ARFIP1: variants seen among roughly 807,000 people sequenced by gnomAD.
ARFIP1 encodes the protein arfaptin-1.
ARFIP1 carries 24 observed loss-of-function variants against 42.5 expected under a neutral mutation model. That is an observed-to-expected ratio of 0.57 (90% CI 0.41 to 0.80). The LOEUF (loss-of-function observed/expected upper bound fraction) is 0.80. Ranked by LOEUF, ARFIP1 falls within the 30% of genes least tolerant of loss-of-function variation. The pLI is 0.00. For synonymous variants in ARFIP1, 141 were observed against 153.7 expected, an observed-to-expected ratio of 0.92 and a Z score of 0.61; for missense variants, 354 against 434.0, an observed-to-expected ratio of 0.82 and a Z score of 1.64.
At chr4:152,880,535 C>T (rs1379427474) in intron 5 of ARFIP1, among the ~76,000 whole-genome samples, 3 of 151,756 alleles carry the variant, frequency 2.0e-5, no homozygotes, top group East Asian at 3.8e-4. Context: ...TTCATACACA[C>T]ATATATATAT....
At position 152,800,422 on chromosome 4, in the gene ARFIP1, A is replaced by G. The variant is rs547844778; in HGVS notation, c.-10+20196A>G. Among the ~76,000 whole-genome samples, 17 of 152,342 alleles carry G rather than the reference A, an allele frequency of 1.1e-4. No individual in the cohort carries two copies. The South Asian group carries it at 3.5e-3, about 32-fold the overall frequency. ...AACTAAAACTTGGAAAGGTCAACAT[A>G]GCTTTTAAGGAGCAGAGCTATGATT... is the stretch of plus-strand genomic sequence containing the variant. On this transcript the variant is annotated intron_variant, in intron 1 of 8. Transcript: ENST00000353617.
chr4:152,909,971 A>T, intron 8 of ARFIP1, 93 bp from the exon 9 acceptor site: 1 of 1,456,482 alleles, frequency 6.9e-7, no homozygotes, highest in South Asian at 1.3e-5. Context: ...TTCAAGAGAG[A>T]TACACTATTT....
At chr4:152,827,014 G>A (rs1730890597) in intron 1 of ARFIP1, among the ~76,000 whole-genome samples, 1 of 152,096 alleles carries the variant, frequency 6.6e-6, no homozygotes, top group Non-Finnish European at 1.5e-5. Flanking sequence ...CAGATTCTGT[G>A]GGGAGGTGGA....
intron 1 of ARFIP1, among the ~76,000 whole-genome samples, chr4:152,826,410 G>A (rs536942255): frequency 2.6e-5 from 4 of 152,212 alleles, no homozygotes; most frequent in Non-Finnish European, 4.4e-5. Context: ...TTATAAGTGG[G>A]GACTTAGCTG....
intron 1 of ARFIP1, among the ~76,000 whole-genome samples, chr4:152,826,179 T>A (rs1730821294): frequency 6.6e-6 from 1 of 152,182 alleles, no homozygotes; most frequent in Admixed American, 6.5e-5. Context: ...ATAGGTGTAT[T>A]GCAGCACAGT....
intron 1 of ARFIP1, among the ~76,000 whole-genome samples, chr4:152,829,203 C>G (rs759531464): frequency 2.6e-5 from 4 of 152,172 alleles, no homozygotes; most frequent in Admixed American, 6.5e-5. Context: ...GATTTTTAAG[C>G]TAGTGATCTG....
intron 2 of ARFIP1, among the ~76,000 whole-genome samples, chr4:152,859,044 T>A (rs1733663438): frequency 6.6e-6 from 1 of 152,134 alleles, no homozygotes; most frequent in Non-Finnish European, 1.5e-5. Flanking sequence ...CATACTAGTT[T>A]ATCTCTCTTT....
intron 8 of ARFIP1, among the ~76,000 whole-genome samples, chr4:152,899,599 A>G (rs940205592): frequency 3.9e-4 from 59 of 152,160 alleles, no homozygotes; most frequent in Admixed American, 3.9e-4. Flanking sequence ...TTCTCTGCCA[A>G]CTTGAAAGTG....
intron 1 of ARFIP1, among the ~76,000 whole-genome samples, chr4:152,804,393 A>G (rs1728803373): frequency 9.5e-6 from 1 of 104,802 alleles, no homozygotes; most frequent in South Asian, 2.6e-4. Context: ...TGTATTATAT[A>G]TTATATATAA....
At chr4:152,903,403 A>T (rs1738011409) in intron 8 of ARFIP1, among the ~76,000 whole-genome samples, 1 of 152,168 alleles carries the variant, frequency 6.6e-6, no homozygotes, top group Non-Finnish European at 1.5e-5. Flanking sequence ...TATAAGCCAA[A>T]TTGAGAACAA....
intron 2 of ARFIP1, among the ~76,000 whole-genome samples, chr4:152,854,696 C>T (rs569461431): frequency 2.6e-5 from 4 of 152,278 alleles, no homozygotes; most frequent in Middle Eastern, 6.8e-3. Context: ...CAGTAGTGTA[C>T]TCTCTGTATA....
rs115122407 is a variant in ARFIP1, at chr4:152,854,580, G to A, written c.94-9026G>A. ...CTTTACATTGATATCTGGTGTAATC[G>A]TTTCTCCATTAGTTTGAATTTGCTA... On this transcript the variant is annotated intron_variant, in intron 2 of 8. Transcript: ENST00000353617. Among the ~76,000 whole-genome samples, 706 of 152,162 alleles carry A rather than the reference G, an allele frequency of 4.6e-3. 12 individuals are homozygous for A. The highest frequency in any genetic ancestry group is 0.025 in the Admixed American group (383 of 15,274).
intron 1 of ARFIP1, among the ~76,000 whole-genome samples, chr4:152,813,478 A>G (rs1159757947): frequency 5.3e-5 from 8 of 151,508 alleles, no homozygotes; most frequent in Non-Finnish European, 1.0e-4. Flanking sequence ...TTATTATTTG[A>G]TAATCTGAAT....
rs565876620 is a variant in ARFIP1, at chr4:152,818,073, C to T, written c.-9-11552C>T. ...GTTTCCCAAAAAATTAAAAATAGTT[C>T]TTTTTTCCCCAAGATGGCAGACTGG... On this transcript the variant is annotated intron_variant, in intron 1 of 8. Coordinates refer to ENST00000353617, the MANE Select transcript of ARFIP1 (RefSeq NM_001025595.3). Among the ~76,000 whole-genome samples, 5 of 152,268 alleles carry T rather than the reference C, an allele frequency of 3.3e-5. No homozygotes were observed. The East Asian group carries it at 9.7e-4, about 29-fold the overall frequency.
intron 2 of ARFIP1, among the ~76,000 whole-genome samples, chr4:152,846,200 CTAGAG>C (rs1732524869): frequency 6.6e-6 from 1 of 152,022 alleles, no homozygotes; most frequent in Admixed American, 6.5e-5. Context: ...CTGGGAACGA[CTAGAG>C]TAGGGAGGGA....
chr4:152,795,930 T>G (rs532103114), intron 1 of ARFIP1: 50 of 200,384 alleles, frequency 2.5e-4, no homozygotes, highest in African/African-American at 1.2e-3. Context: ...CGCCCCATTT[T>G]AATGTTTACA....
Position 152,789,484 on chromosome 4 carries a change from ACT to A in ARFIP1, c.-10+9261_-10+9262del, listed in dbSNP as rs1264635267. ...CATCAGTTTTGTCCACTGTAAAGTT[ACT>A]CTGTTTTCCCCCTCCTTTTGTATAT... On this transcript the variant is annotated intron_variant, in intron 1 of 8. Coordinates refer to ENST00000353617, the MANE Select transcript of ARFIP1 (RefSeq NM_001025595.3). 1.4e-4 allele frequency among the ~76,000 whole-genome samples: 21 copies of A among 152,212 alleles called. No individual in the cohort carries two copies. In the East Asian group the frequency reaches 4.1e-3, roughly 29 times the overall value.
intron 2 of ARFIP1, among the ~76,000 whole-genome samples, chr4:152,838,291 T>G (rs974446997): frequency 2.6e-5 from 4 of 152,204 alleles, no homozygotes; most frequent in Non-Finnish European, 4.4e-5. Context: ...TTAGAATTGT[T>G]TTTTCTAATT....
Position 152,910,264 on chromosome 4 carries a change from A to G in ARFIP1, c.*45A>G. On this transcript the variant is annotated 3_prime_UTR_variant, in exon 9 of 9. Transcript: ENST00000353617. ...AAGAAAGTCGCGTTGTTATATTTCT[A>G]AACCAACCTAACAAGAATTAAGCAG... 1 of 1,588,984 alleles carries G rather than the reference A, an allele frequency of 6.3e-7. No individual in the cohort carries two copies. The highest frequency in any genetic ancestry group is 2.2e-5 in the East Asian group (1 of 44,626).
Sources: gnomAD v4.1 joint callset for allele counts (sites outside exome capture counted in the v4.1 genomes callset) on GRCh38, gnomAD v4.1.1 for gene constraint, MANE v1.5 for transcripts, NCBI Gene and HGNC (gene_info 2026-07-23, HGNC 2026-07-21) for gene names.